LRP1: variants seen among roughly 807,000 people sequenced by gnomAD.
LRP1 encodes the protein LDL receptor related protein 1.
LRP1 carries 51 observed loss-of-function variants against 541.5 expected under a neutral mutation model. That is an observed-to-expected ratio of 0.09 (90% confidence interval 0.08 to 0.12). The LOEUF is 0.12. Ranked by LOEUF, LRP1 falls within the 10% of genes least tolerant of loss-of-function variation. LRP1 has a pLI of 1.00. For missense variants in LRP1, 3,878 were observed against 6,376.2 expected (o/e 0.61, Z 13.34); for synonymous variants, 2,219 against 2,470.8 (o/e 0.90, Z 3.02).
intron 15 of LRP1, chr12:57,164,568 A>G (rs1018994123): frequency 1.3e-5 from 2 of 152,198 alleles, no homozygotes; most frequent in African/African-American, 4.8e-5. Flanking sequence ...TTTCCCTTGC[A>G]GTAATTTGTT....
At chr12:57,149,069 G>A (rs2035475003) in intron 6 of LRP1, 3 of 578,368 alleles carry the variant, frequency 5.2e-6, no homozygotes, top group Admixed American at 5.8e-5. Context: ...GTCCCTCTGA[G>A]TCTAATGAAC....
At chr12:57,166,310 T>A in intron 17 of LRP1, 101 bp downstream of exon 17, 1 of 1,427,382 alleles carries the variant, frequency 7.0e-7, no homozygotes, top group South Asian at 1.4e-5. Flanking sequence ...ATCTCAGCAC[T>A]TTGGGAGGCC....
rs748023624 is a variant in LRP1, at chr12:57,185,720, G to A, written c.6653G>A (p.Arg2218His). 1.7e-5 allele frequency: 27 copies of A among 1,614,008 alleles called. No homozygotes were observed. In the East Asian group the frequency reaches 2.7e-4, roughly 16 times the overall value. ...ILKSIHLSDE[R>H]NLNAPVQPFE... ...AAGAGTATCCACCTGTCGGATGAGC[G>A]CAACCTCAATGCGCCCGTGCAGCCC... is the stretch of plus-strand genomic sequence containing the variant. Residue 2218 changes from arginine (R) to histidine (H), a missense_variant, in exon 41 of 89, where the codon CGC becomes CAC. Arg to His is a conservative substitution (Grantham distance 29). Transcript: ENST00000243077. This position sits in a 1 kb window ranked among gnomAD's most constrained non-coding sequence, Gnocchi z 4.9.
intron 45 of LRP1, 66 bp downstream of exon 45, chr12:57,193,036 C>A (rs943194342): frequency 6.3e-7 from 1 of 1,589,106 alleles, no homozygotes; most frequent in South Asian, 1.1e-5. Context: ...GTGACCATCT[C>A]CCCTACATGC....
chr12:57,185,413 C>T lies in LRP1; in HGVS notation c.6464-118C>T. 2 of 1,372,710 alleles carry T rather than the reference C, an allele frequency of 1.5e-6. No individual in the cohort carries two copies. The allele number at this position is 1,372,710 out of a possible 1,614,324, so 85.0% of individuals were successfully genotyped here. A position where few individuals can be genotyped will look rare whatever the true frequency, so the allele number is the denominator to read the frequency against. ...CATTGGACTCTGGGCCCTGGAGGGT[C>T]ATTCAAGCTGGGAATACCGAGGCAG... On this transcript the variant is annotated intron_variant, in intron 40 of 88. Transcript: ENST00000243077. The surrounding 1 kb of genome is among the most constrained non-coding windows in gnomAD (Gnocchi z 4.9).
chr12:57,196,789 AG>A (rs1795420715), intron 55 of LRP1, among the ~76,000 whole-genome samples, 192 bp from the exon 56 acceptor site: 1 of 152,194 alleles, frequency 6.6e-6, no homozygotes, highest in Admixed American at 6.5e-5. Context: ...GGGCACACGC[AG>A]CTCTGTCAAA....
intron 3 of LRP1, 65 bp from the exon 4 acceptor site, chr12:57,143,614 T>C (rs1305982667): frequency 1.9e-6 from 3 of 1,575,096 alleles, no homozygotes; most frequent in Non-Finnish European, 2.6e-6. Flanking sequence ...TAGGGGAAGG[T>C]TGTGGCCTGC....
At position 57,180,377 on chromosome 12, in the gene LRP1, G is replaced by A. The variant is rs778127112; in HGVS notation, c.5284G>A (p.Gly1762Arg). ...AAGCAAACTCTACTGGATCAGCTCC[G>A]GGAACCATACCATCAACCGCTGCAA... ...PESKLYWISS[G>R]NHTINRCNLD... The change falls in exon 32 of 89, where the codon GGG (glycine) becomes AGG (arginine). Residue 1762 changes from glycine to arginine, a missense_variant. By Grantham distance (125) the Gly-to-Arg change is moderately radical (BLOSUM62 -2). Around this residue, in one of 13 missense-constraint regions of LRP1, gnomAD observed 394 missense variants for 635.9 expected, o/e 0.62. Coordinates refer to ENST00000243077, the MANE Select transcript of LRP1 (RefSeq NM_002332.3). 239 of 1,614,034 alleles carry A rather than the reference G, an allele frequency of 1.5e-4. 4 individuals are homozygous for A. In the South Asian group the frequency reaches 2.1e-3, roughly 14 times the overall value.
rs1565734630 is a variant in LRP1, at chr12:57,177,013, TA to T, written c.3992-26del. 1.2e-6 allele frequency: 2 copies of T among 1,600,314 alleles called. No individual in the cohort carries two copies. Among genetic ancestry groups the T allele is most frequent in the Admixed American group, 1.7e-5 (1 of 60,008 alleles). On this transcript the variant is annotated intron_variant, in intron 24 of 88. Transcript: ENST00000243077. This position sits in a 1 kb window ranked among gnomAD's most constrained non-coding sequence, Gnocchi z 6.8. The stretch of plus-strand genomic sequence containing the variant: ...TCATGCACAGCTCCCCAGGAGACGC[TA>T]ACCTTTCACTGCCCTCTCTTCTCCA...
chr12:57,193,471 T>C (rs1393594334), intron 46 of LRP1, 95 bp from the exon 47 acceptor site: 3 of 1,540,720 alleles, frequency 1.9e-6, no homozygotes, highest in African/African-American at 2.7e-5. Flanking sequence ...CCTTTGGGTT[T>C]GGGGGTGGCC....
intron 6 of LRP1, among the ~76,000 whole-genome samples, chr12:57,150,668 G>A (rs1387279857): frequency 6.6e-6 from 1 of 152,228 alleles, no homozygotes; most frequent in East Asian, 1.9e-4. Context: ...GAAAGGATGG[G>A]TTCAGGGAGG....
Position 57,148,849 on chromosome 12 carries a change from G to C in LRP1, c.841+3359G>C, listed in dbSNP as rs574033756. The stretch of plus-strand genomic sequence containing the variant: ...CTGCACCATGCTGCATGGGGAAGAA[G>C]GAGGTGGCTGGGGAGCTCAGCAAAG... On this transcript the variant is annotated intron_variant, in intron 6 of 88. Coordinates refer to ENST00000243077, the MANE Select transcript of LRP1 (RefSeq NM_002332.3). 73 of 476,316 alleles carry C rather than the reference G, an allele frequency of 1.5e-4. 2 individuals are homozygous for C. Among genetic ancestry groups the C allele is most frequent in the East Asian group, 1.0e-3 (29 of 29,084 alleles). The allele number at this position is 476,316 out of a possible 1,614,324, so 29.5% of individuals were successfully genotyped here.
At chr12:57,203,547 G>T (rs1203060910) in intron 70 of LRP1, 26 bp downstream of exon 70, 12 of 1,496,178 alleles carry the variant, frequency 8.0e-6, no homozygotes, top group Non-Finnish European at 1.1e-5. Flanking sequence ...TGGTCTCCCT[G>T]GGTCCTCCCT....
intron 1 of LRP1, among the ~76,000 whole-genome samples, chr12:57,135,281 T>TG (rs2136651498): frequency 6.6e-6 from 1 of 152,338 alleles, no homozygotes; most frequent in Admixed American, 6.5e-5. Context: ...TAGTTGCTTT[T>TG]GACCTTAGGG....
In LRP1 at chr12:57,197,428, C is replaced by G. The variant is rs200710097; in HGVS notation, c.9162+44C>G. ...CCTCCCCGCTGCCCATCTCCCAGAC[C>G]CAGCACAGCCTCCCTTGCAAGTCTC... is the stretch of plus-strand genomic sequence containing the variant. On this transcript the variant is annotated intron_variant, in intron 57 of 88. Transcript: ENST00000243077. This position sits in a 1 kb window ranked among gnomAD's most constrained non-coding sequence, Gnocchi z 4.5. The G allele has an allele frequency of 4.2e-5, 67 of 1,609,748 alleles. No homozygotes were observed. The East Asian group carries it at 1.4e-3, about 33-fold the overall frequency.
At position 57,178,050 on chromosome 12, in the gene LRP1, C is replaced by G. The variant is rs1477474951; in HGVS notation, c.4362-309C>G. Among the ~76,000 whole-genome samples the G allele has an allele frequency of 6.6e-6, 1 of 151,476 alleles. No homozygotes were observed. Among genetic ancestry groups the G allele is most frequent in the Admixed American group, 6.6e-5 (1 of 15,180 alleles). ...TGCAGGCTCCGCCCCCCGGGGTTCA[C>G]GCTGAGGGTGCCTTTTTCTGACTTT... On this transcript the variant is annotated intron_variant, in intron 26 of 88. Coordinates refer to ENST00000243077, the MANE Select transcript of LRP1 (RefSeq NM_002332.3). This position sits in a 1 kb window ranked among gnomAD's most constrained non-coding sequence, Gnocchi z 5.8.
intron 17 of LRP1, 83 bp from the exon 18 acceptor site, chr12:57,166,847 C>T: frequency 1.3e-6 from 1 of 771,822 alleles, no homozygotes; most frequent in South Asian, 1.6e-5. Context: ...TAAGGGACAC[C>T]AAAGGCAGAG....
chr12:57,201,102 C>T lies in LRP1; in HGVS notation c.10294C>T (p.Arg3432Cys). 2.5e-6 allele frequency: 4 copies of T among 1,613,898 alleles called. No homozygotes were observed. Among genetic ancestry groups the T allele is most frequent in the Non-Finnish European group, 3.4e-6 (4 of 1,179,918 alleles). ...NTNRCIPGIF[R>C]CNGQDNCGDG... ...CAACCGCTGTATTCCCGGCATCTTC[C>T]GCTGCAATGGGCAGGACAACTGCGG... Residue 3432 changes from arginine (R) to cysteine (C), a missense_variant, in exon 65 of 89, where the codon CGC becomes TGC. Arg to Cys is a radical substitution (Grantham distance 180). Around this residue, in one of 13 missense-constraint regions of LRP1, gnomAD observed 278 missense variants for 536.3 expected, o/e 0.52. Transcript: ENST00000243077. This position sits in a 1 kb window ranked among gnomAD's most constrained non-coding sequence, Gnocchi z 6.4.
intron 19 of LRP1, among the ~76,000 whole-genome samples, chr12:57,168,410 C>T (rs1485689979): frequency 6.6e-6 from 1 of 152,038 alleles, no homozygotes; most frequent in South Asian, 2.1e-4. Flanking sequence ...GAAGCAGAGA[C>T]GGCAGAGGGA....
Sources: allele counts gnomAD v4.1 joint callset (sites outside exome capture counted in the v4.1 genomes callset), GRCh38; gene constraint gnomAD v4.1.1; regional missense constraint gnomAD v4.1.1; non-coding constraint Gnocchi (gnomAD v3.1); transcripts MANE v1.5; gene names NCBI Gene and HGNC (gene_info 2026-07-23, HGNC 2026-07-21).